CFAP54: variants seen among roughly 807,000 people sequenced by gnomAD.
The protein encoded by CFAP54 is cilia- and flagella-associated protein 54.
In CFAP54, 290 loss-of-function variants were observed where a neutral mutation model predicts 370.4. The observed-to-expected ratio is 0.78, with a 90% CI of 0.71 to 0.86. CFAP54 has a LOEUF of 0.86. CFAP54 is among the 40% of genes least tolerant of loss of function. CFAP54 has a pLI of 0.00. For missense variants in CFAP54, 3,399 were observed against 3,528.7 expected (o/e 0.96, Z 0.93); for synonymous variants, 1,206 against 1,236.5 (o/e 0.98, Z 0.52).
At chr12:96,829,752 T>A (rs1959165108) in intron 66 of CFAP54, among the ~76,000 whole-genome samples, 1 of 152,022 alleles carries the variant, frequency 6.6e-6, no homozygotes, top group African/African-American at 2.4e-5. Flanking sequence ...ATTTTAAGTG[T>A]ACAGTTCAGT....
intron 19 of CFAP54, among the ~76,000 whole-genome samples, chr12:96,570,825 A>G (rs1223695863): frequency 6.6e-6 from 1 of 152,192 alleles, no homozygotes; most frequent in South Asian, 2.1e-4. Flanking sequence ...GCACTCTGAG[A>G]CATTCTGTTT....
At position 96,642,081 on chromosome 12, in the gene CFAP54, AAAG is replaced by A. The variant is rs1236279063; in HGVS notation, c.4317-2094_4317-2092del. ...TACCCTAAAACTTAAAGTATAAAAA[AAAG>A]AAAAGAATGGTATTTGTGGTAGGTT... On this transcript the variant is annotated intron_variant, in intron 32 of 67. Transcript: ENST00000524981. 9.3e-3 allele frequency among the ~76,000 whole-genome samples: 1,411 copies of A among 152,250 alleles called. 25 individuals carry two copies. Among genetic ancestry groups the A allele is most frequent in the African/African-American group, 0.033 (1,358 of 41,556 alleles).
chr12:96,612,456 G>A (rs1453056145), intron 26 of CFAP54, among the ~76,000 whole-genome samples: 10 of 152,146 alleles, frequency 6.6e-5, no homozygotes, highest in Admixed American at 3.3e-4. Flanking sequence ...AAAGACCATC[G>A]ATGCTAGGAA....
Position 96,727,131 on chromosome 12 carries a change from G to A in CFAP54, c.6965+6566G>A, listed in dbSNP as rs950789744. Among the ~76,000 whole-genome samples, 17 of 151,938 alleles carry A rather than the reference G, an allele frequency of 1.1e-4. No homozygotes were observed. In the East Asian group the frequency reaches 3.3e-3, roughly 30 times the overall value. On this transcript the variant is annotated intron_variant, in intron 50 of 67. Coordinates refer to ENST00000524981, the MANE Select transcript of CFAP54 (RefSeq NM_001306084.2). Reference sequence around the variant, plus strand: ...AATTTTGGAATAGGTGTGGTGTGGTGCTGAAAAAAATGTATATTCTGTTGA... The same window carrying A: ...AATTTTGGAATAGGTGTGGTGTGGTACTGAAAAAAATGTATATTCTGTTGA...
chr12:96,694,488 C>G (rs542021145), intron 45 of CFAP54, among the ~76,000 whole-genome samples: 1 of 151,796 alleles, frequency 6.6e-6, no homozygotes, highest in South Asian at 2.1e-4. Context: ...TTATATCTTA[C>G]GCACACACAC....
At chr12:96,771,432 C>T (rs868430147) in intron 60 of CFAP54, among the ~76,000 whole-genome samples, 1 of 152,176 alleles carries the variant, frequency 6.6e-6, no homozygotes, top group Admixed American at 6.5e-5. Flanking sequence ...GCGGGCGGTT[C>T]ACGAGGTCAG....
At chr12:96,638,181 C>T (rs1433952735) in intron 32 of CFAP54, among the ~76,000 whole-genome samples, 1 of 101,874 alleles carries the variant, frequency 9.8e-6, no homozygotes, top group Non-Finnish European at 2.0e-5. Flanking sequence ...ATTTTAGCTG[C>T]ATCATATATA....
At chr12:96,864,973 T>C (rs1959967039) in intron 67 of CFAP54, among the ~76,000 whole-genome samples, 1 of 152,168 alleles carries the variant, frequency 6.6e-6, no homozygotes, top group South Asian at 2.1e-4. Flanking sequence ...TTTAATATTA[T>C]CTATGTGTGC....
intron 50 of CFAP54, among the ~76,000 whole-genome samples, chr12:96,726,342 C>T (rs1337659072): frequency 6.6e-6 from 1 of 152,134 alleles, no homozygotes; most frequent in East Asian, 1.9e-4. Context: ...TGATTATTGC[C>T]ACAATTTCAG....
chr12:96,576,756 G>A lies in CFAP54; in HGVS notation c.2791G>A (p.Val931Ile). 6.5e-7 allele frequency: 1 copy of A among 1,532,046 alleles called. No homozygotes were observed. Among genetic ancestry groups the A allele is most frequent in the Non-Finnish European group, 8.7e-7 (1 of 1,145,406 alleles). 94.9% of individuals were successfully genotyped at this position (1,532,046 alleles called of 1,614,324 possible). ...CAAACCTGCTCCATTTACTTCAGAG[G>A]TTAAGGTATGGTGTCCAGTAAAATT... ...TLKPAPFTSE[V>I]KVSWYCILGC... is the part of the protein sequence containing the mutation. The change falls in exon 20 of 68, where the codon GTT (valine) becomes ATT (isoleucine). Residue 931 changes from valine (V) to isoleucine (I), a missense_variant. Transcript: ENST00000524981.
intron 48 of CFAP54, among the ~76,000 whole-genome samples, chr12:96,710,451 G>A (rs780508211): frequency 6.6e-6 from 1 of 152,082 alleles, no homozygotes; most frequent in Non-Finnish European, 1.5e-5. Flanking sequence ...GGGGCATAGG[G>A]GCTGTCTCTA....
intron 56 of CFAP54, among the ~76,000 whole-genome samples, chr12:96,754,390 A>G (rs1174174651): frequency 6.6e-6 from 1 of 152,228 alleles, no homozygotes; most frequent in Non-Finnish European, 1.5e-5. Flanking sequence ...TATTGTGGGC[A>G]TTTTACCTCT....
chr12:96,792,556 C>T, intron 63 of CFAP54, 57 bp downstream of exon 63: 3 of 1,338,746 alleles, frequency 2.2e-6, no homozygotes, highest in Non-Finnish European at 3.0e-6. Flanking sequence ...CTTAACTAAA[C>T]CATTATAACT....
chr12:96,729,842 T>C (rs1957898446), intron 50 of CFAP54, among the ~76,000 whole-genome samples: 1 of 152,128 alleles, frequency 6.6e-6, no homozygotes, highest in Non-Finnish European at 1.5e-5. Context: ...TCCTCCAAGA[T>C]GATTCTTTAG....
At chr12:96,667,873 G>A (rs1354287482) in intron 39 of CFAP54, among the ~76,000 whole-genome samples, 1 of 152,022 alleles carries the variant, frequency 6.6e-6, no homozygotes, top group African/African-American at 2.4e-5. Context: ...GTCACCTCTT[G>A]AACACTTTAC....
At chr12:96,576,508 C>T in intron 19 of CFAP54, 77 bp from the exon 20 acceptor site, 1 of 1,076,240 alleles carries the variant, frequency 9.3e-7, no homozygotes, top group Non-Finnish European at 1.3e-6. Flanking sequence ...CATTGTTTAA[C>T]ATCACTAGAA....
In CFAP54 at chr12:96,568,184, G is replaced by A. The variant is rs554880182; in HGVS notation, c.2619+3419G>A. Among the ~76,000 whole-genome samples, 873 of 148,930 alleles carry A rather than the reference G, an allele frequency of 5.9e-3. 7 individuals are homozygous for A. The highest frequency in any genetic ancestry group is 0.01 in the Middle Eastern group (3 of 290). ...TAGGGAGGGAAGAATATACACGGAC[G>A]ATTTTCTTTTTTCAGAGATCTTCTC... is the stretch of plus-strand genomic sequence containing the variant. On this transcript the variant is annotated intron_variant, in intron 19 of 67. Transcript: ENST00000524981.
chr12:96,723,282 A>G (rs1015310097), intron 50 of CFAP54, among the ~76,000 whole-genome samples: 1 of 152,244 alleles, frequency 6.6e-6, no homozygotes, highest in Non-Finnish European at 1.5e-5. Context: ...TAGGGGGTAT[A>G]AATAGATGGA....
intron 62 of CFAP54, 73 bp from the exon 63 acceptor site, chr12:96,792,256 C>G (rs1451999399): frequency 1.6e-6 from 2 of 1,273,960 alleles, no homozygotes; most frequent in African/African-American, 3.0e-5. Flanking sequence ...TTCAATATAG[C>G]CAAATAATTT....
Sources: allele counts gnomAD v4.1 joint callset (sites outside exome capture counted in the v4.1 genomes callset), GRCh38; gene constraint gnomAD v4.1.1; transcripts MANE v1.5; gene names NCBI Gene and HGNC (gene_info 2026-07-23, HGNC 2026-07-21).